The following EIF4G2 variants were observed in gnomAD, a reference collection of about 807,000 sequenced individuals.
EIF4G2 encodes eukaryotic translation initiation factor 4 gamma 2.
EIF4G2 carries 8 observed loss-of-function variants against 117.7 expected under a neutral mutation model. The observed-to-expected ratio is 0.07, with a 90% CI of 0.04 to 0.12. The LOEUF is 0.12. EIF4G2 is among the 10% of genes least tolerant of loss of function. The pLI is 1.00. For synonymous variants in EIF4G2, 413 were observed against 367.8 expected (o/e 1.12, Z -1.41); for missense variants, 812 against 1,086.2 (o/e 0.75, Z 3.55).
Position 10,802,426 on chromosome 11 carries a change from C to G in EIF4G2, c.1006G>C (p.Val336Leu). ...TGAGCCATAGGAGCAGGAATAAACACCCCTAGATCCTTTAGAAATGAAGTG... is the reference window on the plus strand; with the variant it reads ...TGAGCCATAGGAGCAGGAATAAACAGCCCTAGATCCTTTAGAAATGAAGTG... Residue 336 changes from valine (V) to leucine (L), a missense_variant, in exon 12 of 22, where the codon GTG (valine) becomes CTG (leucine). Around this residue, in one of 4 missense-constraint regions of EIF4G2, gnomAD observed 154 missense variants for 322.1 expected, o/e 0.48. Coordinates refer to ENST00000339995, the MANE Select transcript of EIF4G2 (RefSeq NM_001418.4). 1 of 1,577,144 alleles carries G rather than the reference C, an allele frequency of 6.3e-7. No homozygotes were observed. The highest frequency in any genetic ancestry group is 1.2e-5 in the South Asian group (1 of 85,580).
rs1010847346 is a variant in EIF4G2 at position 10,797,995 on chromosome 11, A to T, written c.2659-114T>A. ...AATATGAAACAAGGATATCCCTACCAACAATTTGTATATTAAGTTAACGAA... is the reference window on the plus strand; with the variant it reads ...AATATGAAACAAGGATATCCCTACCTACAATTTGTATATTAAGTTAACGAA... On this transcript the variant is annotated intron_variant, in intron 21 of 21. Coordinates refer to ENST00000339995, the MANE Select transcript of EIF4G2 (RefSeq NM_001418.4). This position sits in a 1 kb window ranked among gnomAD's most constrained non-coding sequence, Gnocchi z 4.5. 4.5e-6 allele frequency: 4 copies of T among 889,884 alleles called. No homozygotes were observed. The African/African-American group carries it at 6.7e-5, about 15-fold the overall frequency. 55.1% of individuals were successfully genotyped at this position (889,884 alleles called of 1,614,324 possible). A position where few individuals can be genotyped will look rare whatever the true frequency, so the allele number is the denominator to read the frequency against.
intron 3 of EIF4G2, 153 bp from the exon 4 acceptor site, chr11:10,806,200 T>C: frequency 9.9e-7 from 1 of 1,014,164 alleles, no homozygotes; most frequent in Non-Finnish European, 1.4e-6. Flanking sequence ...AACAGTAGTG[T>C]GCATCAGAAT....
rs1303015014 is a variant in EIF4G2, at chr11:10,800,980, T to C, written c.1521A>G (p.Gln507=). 1.2e-6 allele frequency: 2 copies of C among 1,614,174 alleles called. No individual in the cohort carries two copies. Reference sequence around the variant, plus strand: ...TCTGTACCTGTCCCAGAGGTGGTGTTTGAGTGCGTGGTGGTTGTGCACTAG... The same window carrying C: ...TCTGTACCTGTCCCAGAGGTGGTGTCTGAGTGCGTGGTGGTTGTGCACTAG... Residue 507 remains glutamine (Q), a synonymous_variant, in exon 15 of 22, where the codon CAA becomes CAG. Transcript: ENST00000339995.
intron 1 of EIF4G2, chr11:10,807,783 G>A: frequency 1.0e-6 from 1 of 991,034 alleles, no homozygotes; most frequent in Non-Finnish European, 1.2e-6. Context: ...CTCTCCGAAA[G>A]CTCTTCAGCA....
At chr11:10,808,549 C>A in intron 1 of EIF4G2, 156 bp downstream of exon 1, 1 of 1,125,568 alleles carries the variant, frequency 8.9e-7, no homozygotes, top group South Asian at 1.5e-5. Context: ...AAAGCCAAGA[C>A]TTTCCAGGTA....
chr11:10,807,230 T>G (rs1564985810), intron 2 of EIF4G2, 25 bp downstream of exon 2: 2 of 1,599,060 alleles, frequency 1.3e-6, no homozygotes, highest in Non-Finnish European at 1.7e-6. Flanking sequence ...TTCAAAAGGA[T>G]TCCCCAAAAT....
intron 3 of EIF4G2, 104 bp downstream of exon 3, chr11:10,806,716 A>G: frequency 1.6e-6 from 2 of 1,275,202 alleles, no homozygotes; most frequent in Non-Finnish European, 2.3e-6. Context: ...CACGCCCCTT[A>G]AGATTAGGAG....
At chr11:10,806,129 T>G (rs1847562933) in intron 3 of EIF4G2, 82 bp from the exon 4 acceptor site, 8 of 1,580,448 alleles carry the variant, frequency 5.1e-6, no homozygotes, top group Middle Eastern at 1.7e-4. Context: ...TAGAAAAAAG[T>G]AATTTAGGCT....
chr11:10,802,861 C>T lies in EIF4G2; in HGVS notation c.996+169G>A, dbSNP rs888321344. On this transcript the variant is annotated intron_variant, in intron 11 of 21. Transcript: ENST00000339995. ...CAGCCTGGGTGACAGTGCGAAACTCCGTCTCAAAAAATAAAAAAATAAAAG... is the reference window on the plus strand; with the variant it reads ...CAGCCTGGGTGACAGTGCGAAACTCTGTCTCAAAAAATAAAAAAATAAAAG... Among the ~76,000 whole-genome samples, 2 of 151,982 alleles carry T rather than the reference C, an allele frequency of 1.3e-5. 1 individual carries two copies. Among genetic ancestry groups the T allele is most frequent in the South Asian group, 4.1e-4 (2 of 4,822 alleles).
At chr11:10,807,794 G>A (rs1847627520) in intron 1 of EIF4G2, 9 of 990,996 alleles carry the variant, frequency 9.1e-6, no homozygotes, top group Non-Finnish European at 1.1e-5. Flanking sequence ...CTCTTCAGCA[G>A]TTTTCCCCTG....
rs1369193122 is a variant in EIF4G2, at chr11:10,797,552, T to C, written c.*264A>G. The C allele has an allele frequency of 2.4e-6, 1 of 414,956 alleles. No homozygotes were observed. The highest frequency in any genetic ancestry group is 4.5e-5 in the East Asian group (1 of 22,280). 25.7% of individuals were successfully genotyped at this position (414,956 alleles called of 1,614,324 possible). A position where few individuals can be genotyped will look rare whatever the true frequency, so the allele number is the denominator to read the frequency against. On this transcript the variant is annotated 3_prime_UTR_variant, in exon 22 of 22. Transcript: ENST00000339995. The surrounding 1 kb of genome is among the most constrained non-coding windows in gnomAD (Gnocchi z 4.5). Reference sequence around the variant, plus strand: ...GGTCCTTGCAATAGACTGCCTCTGCTTGAGAACTTATGATGTAATTATTGC... The same window carrying C: ...GGTCCTTGCAATAGACTGCCTCTGCCTGAGAACTTATGATGTAATTATTGC...
chr11:10,807,084 T>A, intron 2 of EIF4G2, 171 bp downstream of exon 2: 1 of 1,194,162 alleles, frequency 8.4e-7, no homozygotes, highest in African/African-American at 1.5e-5. Flanking sequence ...GAAAGGCAAA[T>A]AATTGATTTT....
chr11:10,803,023 A>G lies in EIF4G2; in HGVS notation c.996+7T>C, dbSNP rs556944570. On this transcript the variant is annotated splice_region_variant and intron_variant, in intron 11 of 21. Transcript: ENST00000339995. The surrounding 1 kb of genome is among the most constrained non-coding windows in gnomAD (Gnocchi z 4.0). The stretch of plus-strand genomic sequence containing the variant: ...TATGTGACAAACAAAACAAAACCCA[A>G]TCTTACTTTTACTGCATCTTGACGA... The G allele has an allele frequency of 7.1e-5, 114 of 1,605,750 alleles. 1 individual carries two copies. The highest frequency in any genetic ancestry group is 5.2e-4 in the South Asian group (47 of 89,820).
Position 10,800,728 on chromosome 11 carries a change from T to TA in EIF4G2, c.1644+2dup, listed in dbSNP as rs1467348118. On this transcript the variant is annotated splice_region_variant and intron_variant, in intron 16 of 21. Coordinates refer to ENST00000339995, the MANE Select transcript of EIF4G2 (RefSeq NM_001418.4). The stretch of plus-strand genomic sequence containing the variant: ...ACACTAAAATGGGATATTTGAAACT[T>TA]ACAGTTAGTTTAAGGAGTTCTTCCT... 6.2e-7 allele frequency: 1 copy of TA among 1,614,184 alleles called. No individual in the cohort carries two copies.
intron 2 of EIF4G2, 134 bp from the exon 3 acceptor site, chr11:10,807,019 G>GT: frequency 8.6e-7 from 1 of 1,159,306 alleles, no homozygotes; most frequent in Admixed American, 2.2e-5. Flanking sequence ...AGCCAGGCCT[G>GT]TATTTTAGTG....
Position 10,804,825 on chromosome 11 carries a change from A to C in EIF4G2, c.351+88T>G, listed in dbSNP as rs143557986. On this transcript the variant is annotated intron_variant, in intron 5 of 21. Coordinates refer to ENST00000339995, the MANE Select transcript of EIF4G2 (RefSeq NM_001418.4). Reference sequence around the variant, plus strand: ...ATCTAACTCACACCTAAGGGTTTTAAGTAGTAATCCAAGTGTAAAAAAACA... The same window carrying C: ...ATCTAACTCACACCTAAGGGTTTTACGTAGTAATCCAAGTGTAAAAAAACA... 8,439 of 1,095,944 alleles carry C rather than the reference A, an allele frequency of 7.7e-3. 62 individuals are homozygous for C. The highest frequency in any genetic ancestry group is 9.2e-3 in the Non-Finnish European group (6,606 of 719,760). 67.9% of individuals were successfully genotyped at this position (1,095,944 alleles called of 1,614,324 possible). A position where few individuals can be genotyped will look rare whatever the true frequency, so the allele number is the denominator to read the frequency against.
At position 10,807,702 on chromosome 11, in the gene EIF4G2, G is replaced by A. The variant is rs916175685; in HGVS notation, c.-86-321C>T. On this transcript the variant is annotated intron_variant, in intron 1 of 21. Transcript: ENST00000339995. ...TAGAAAAGTCTAACTACAGACACGA[G>A]CAACATCACGTGGAAAATGTCTGCC... 5.0e-6 allele frequency: 5 copies of A among 996,520 alleles called. No homozygotes were observed. The East Asian group carries it at 3.2e-4, about 65-fold the overall frequency. 61.7% of individuals were successfully genotyped at this position (996,520 alleles called of 1,614,324 possible). A position where few individuals can be genotyped will look rare whatever the true frequency, so the allele number is the denominator to read the frequency against.
In EIF4G2 at chr11:10,804,976, T is replaced by C; in HGVS notation, c.288A>G (p.Leu96=). Residue 96 remains leucine (L), a synonymous_variant, in exon 5 of 22, where the codon CTA becomes CTG. Coordinates refer to ENST00000339995, the MANE Select transcript of EIF4G2 (RefSeq NM_001418.4). ...CACCCACATTGAGGAGCTCAAGGCATAGCTTGTCAAACTTTTCAGGAGTAA... is the reference window on the plus strand; with the variant it reads ...CACCCACATTGAGGAGCTCAAGGCACAGCTTGTCAAACTTTTCAGGAGTAA... The C allele has an allele frequency of 1.2e-6, 2 of 1,614,150 alleles. No individual in the cohort carries two copies.
chr11:10,803,849 T>C lies in EIF4G2; in HGVS notation c.702+50A>G. On this transcript the variant is annotated intron_variant, in intron 8 of 21. Transcript: ENST00000339995. The surrounding 1 kb of genome is among the most constrained non-coding windows in gnomAD (Gnocchi z 4.0). ...CCCTCTTAGATGAATAATTGACTCA[T>C]TTCCTCCAAACGACTGACTACATTC... 6.3e-7 allele frequency: 1 copy of C among 1,575,044 alleles called. No homozygotes were observed. The highest frequency in any genetic ancestry group is 8.6e-7 in the Non-Finnish European group (1 of 1,158,466).
Sources: gnomAD v4.1 joint callset for allele counts (sites outside exome capture counted in the v4.1 genomes callset) on GRCh38, gnomAD v4.1.1 for gene constraint, gnomAD v4.1.1 regional missense constraint, Gnocchi (gnomAD v3.1) non-coding constraint, MANE v1.5 for transcripts, NCBI Gene and HGNC (gene_info 2026-07-23, HGNC 2026-07-21) for gene names.